The following TM7SF3 variants were observed in gnomAD, a reference collection of about 807,000 sequenced individuals.
The protein encoded by TM7SF3 is seven span transmembrane protein.
Under a neutral mutation model 65.5 loss-of-function variants are expected in TM7SF3, and 60 were observed. The ratio of observed to expected loss-of-function variants is 0.92; its 90% CI spans 0.74 to 1.14. The LOEUF (loss-of-function observed/expected upper bound fraction) is 1.14, where lower values mean the gene tolerates loss of function less well. TM7SF3 is among the 50% of genes most tolerant of loss of function. The probability of loss-of-function intolerance (pLI) is 0.00; values close to 1 mark genes in which losing one functional copy is unlikely to be tolerated. For missense variants in TM7SF3, 623 were observed against 684.8 expected (o/e 0.91, Z 1.01); for synonymous variants, 264 against 259.6 (o/e 1.02, Z -0.16).
Position 27,011,450 on chromosome 12 carries a change from C to A in TM7SF3, c.91+2628G>T, listed in dbSNP as rs545887105. Among the ~76,000 whole-genome samples the A allele has an allele frequency of 7.2e-5, 11 of 152,318 alleles. 1 individual carries two copies. Among genetic ancestry groups the A allele is most frequent in the African/African-American group, 2.6e-4 (11 of 41,576 alleles). Reference sequence around the variant, plus strand: ...CCTACTGGTCACAGAAAGCACCCTCCTCAGACATTCTAGGAACTCCATCTG... The same window carrying A: ...CCTACTGGTCACAGAAAGCACCCTCATCAGACATTCTAGGAACTCCATCTG... On this transcript the variant is annotated intron_variant, in intron 1 of 11. Coordinates refer to ENST00000343028, the MANE Select transcript of TM7SF3 (RefSeq NM_016551.3).
chr12:26,993,007 G>A (rs933916228), intron 5 of TM7SF3, among the ~76,000 whole-genome samples: 3 of 147,448 alleles, frequency 2.0e-5, no homozygotes, highest in Non-Finnish European at 3.0e-5. Flanking sequence ...CCAGGCTCAA[G>A]CGATCCTCCC....
rs756592614 is a variant in TM7SF3, at chr12:26,996,733, C to G, written c.518+9G>C. On this transcript the variant is annotated intron_variant, in intron 4 of 11. Transcript: ENST00000343028. ...AAAAGCATTTCTCAGACATGGGAGA[C>G]AGACGTACCTCGCATAGCCTAGGTT... The G allele has an allele frequency of 4.4e-6, 7 of 1,605,742 alleles. No homozygotes were observed. The highest frequency in any genetic ancestry group is 5.9e-6 in the Non-Finnish European group (7 of 1,177,418).
intron 1 of TM7SF3, among the ~76,000 whole-genome samples, chr12:27,013,642 C>G (rs1484087): frequency 6.6e-6 from 1 of 151,804 alleles, no homozygotes; most frequent in Non-Finnish European, 1.5e-5. Context: ...GTTTGAAAAG[C>G]CTCTAGATTT....
At chr12:26,990,700 G>T in intron 5 of TM7SF3, 73 bp from the exon 6 acceptor site, 1 of 1,095,310 alleles carries the variant, frequency 9.1e-7, no homozygotes, top group Non-Finnish European at 1.3e-6. Context: ...TCCCACCTAC[G>T]TGTAATATTA....
At chr12:27,012,995 C>CA (rs772325397) in intron 1 of TM7SF3, 43,664 of 116,778 alleles carry the variant, frequency 0.37, 8,382 homozygotes, top group Non-Finnish European at 0.41. Flanking sequence ...GAGACTCCGT[C>CA]AAAAAAAAAA....
intron 3 of TM7SF3, 50 bp from the exon 4 acceptor site, chr12:26,996,912 A>G (rs745685837): frequency 1.3e-6 from 2 of 1,552,064 alleles, no homozygotes; most frequent in African/African-American, 2.8e-5. Context: ...TACATATCCA[A>G]ATCATACTCA....
At chr12:27,012,422 C>T (rs1459179366) in intron 1 of TM7SF3, among the ~76,000 whole-genome samples, 1 of 152,042 alleles carries the variant, frequency 6.6e-6, no homozygotes, top group Non-Finnish European at 1.5e-5. Flanking sequence ...TACAAAGATC[C>T]TAGAATTCAG....
At chr12:26,985,837 A>G (rs1387414813) in intron 6 of TM7SF3, among the ~76,000 whole-genome samples, 61 of 84,938 alleles carry the variant, frequency 7.2e-4, no homozygotes, top group Non-Finnish European at 1.2e-3. Context: ...TTTTTGAGAC[A>G]GAGTCTCGCT....
At position 26,996,765 on chromosome 12, in the gene TM7SF3, G is replaced by C. The variant is rs1021219878; in HGVS notation, c.495C>G (p.Ala165=). The C allele has an allele frequency of 2.5e-6, 4 of 1,613,090 alleles. No individual in the cohort carries two copies. In the African/African-American group the frequency reaches 5.3e-5, roughly 22 times the overall value. Residue 165 remains alanine, a synonymous_variant, in exon 4 of 12, where the codon GCC becomes GCG. Transcript: ENST00000343028. ...YNFFETTIKF[A]PANLGYARGV... is the part of the protein sequence containing the mutation. ...ACCTCGCATAGCCTAGGTTTGCTGGGGCAAACTTGATAGTCGTTTCAAAGA... is the reference window on the plus strand; with the variant it reads ...ACCTCGCATAGCCTAGGTTTGCTGGCGCAAACTTGATAGTCGTTTCAAAGA...
rs767217383 is a variant in TM7SF3, at chr12:26,995,418, ACC to A, written c.519-12_519-11del. 6.2e-7 allele frequency: 1 copy of A among 1,614,014 alleles called. No individual in the cohort carries two copies. The highest frequency in any genetic ancestry group is 8.5e-7 in the Non-Finnish European group (1 of 1,179,934). ...TGGGGGATCTACGCCTCTAAAGTCA[ACC>A]AACAAAATGAAACATCAGTCTCTTG... On this transcript the variant is annotated splice_polypyrimidine_tract_variant and intron_variant, in intron 4 of 11. Coordinates refer to ENST00000343028, the MANE Select transcript of TM7SF3 (RefSeq NM_016551.3).
chr12:26,980,314 CCAGAACA>C (rs1447884697), intron 8 of TM7SF3: 1 of 535,468 alleles, frequency 1.9e-6, no homozygotes, highest in Non-Finnish European at 3.3e-6. Flanking sequence ...TATCACATAG[CCAGAACA>C]CAGGTCTATA....
At position 26,997,631 on chromosome 12, in the gene TM7SF3, T is replaced by C. The variant is rs148954957; in HGVS notation, c.398-769A>G. 4.2e-3 allele frequency among the ~76,000 whole-genome samples: 642 copies of C among 152,090 alleles called. 4 individuals carry two copies. Among genetic ancestry groups the C allele is most frequent in the African/African-American group, 0.014 (600 of 41,468 alleles). The stretch of plus-strand genomic sequence containing the variant: ...TTCTCCCTCCTTTCCTAACTAGCGC[T>C]CCCTCTCCTTCCCTTTACCCCCAAG... On this transcript the variant is annotated intron_variant, in intron 3 of 11. Coordinates refer to ENST00000343028, the MANE Select transcript of TM7SF3 (RefSeq NM_016551.3).
intron 3 of TM7SF3, among the ~76,000 whole-genome samples, chr12:26,997,299 G>A (rs1019305852): frequency 5.3e-5 from 8 of 152,128 alleles, no homozygotes; most frequent in East Asian, 1.9e-4. Context: ...TAAAAAGATC[G>A]GCTATTGGTT....
intron 1 of TM7SF3, among the ~76,000 whole-genome samples, chr12:27,012,373 A>G (rs1941277975): frequency 6.6e-6 from 1 of 152,208 alleles, no homozygotes; most frequent in African/African-American, 2.4e-5. Flanking sequence ...TTCTGCAAAA[A>G]AAAAAGTTGC....
At chr12:26,978,095 CTAAAAAA>C in intron 9 of TM7SF3, 1 of 452,260 alleles carries the variant, frequency 2.2e-6, no homozygotes, top group Non-Finnish European at 4.4e-6. Flanking sequence ...GATCCTGTCT[CTAAAAAA>C]TAAAAATATG....
At chr12:27,008,309 C>T (rs1329900093) in intron 1 of TM7SF3, among the ~76,000 whole-genome samples, 2 of 152,084 alleles carry the variant, frequency 1.3e-5, no homozygotes, top group Non-Finnish European at 2.9e-5. Context: ...GAAACCTTTG[C>T]TTTGCTTATT....
chr12:27,004,693 A>G (rs1940964279), intron 1 of TM7SF3, among the ~76,000 whole-genome samples: 1 of 152,230 alleles, frequency 6.6e-6, no homozygotes, highest in Admixed American at 6.5e-5. Flanking sequence ...TGTTAAGACT[A>G]GAATAATCTT....
chr12:27,006,164 G>C (rs762715463), intron 1 of TM7SF3, among the ~76,000 whole-genome samples: 1 of 125,512 alleles, frequency 8.0e-6, no homozygotes, highest in Non-Finnish European at 1.6e-5. Context: ...TTTTGAGACA[G>C]AGTCTTGCTC....
chr12:26,975,373 G>A, intron 11 of TM7SF3, 123 bp downstream of exon 11: 1 of 921,592 alleles, frequency 1.1e-6, no homozygotes. Context: ...ATTGTATGCT[G>A]TGTTCCCTCC....
Sources: allele counts gnomAD v4.1 joint callset (sites outside exome capture counted in the v4.1 genomes callset), GRCh38; gene constraint gnomAD v4.1.1; transcripts MANE v1.5; gene names NCBI Gene and HGNC (gene_info 2026-07-23, HGNC 2026-07-21).